The following TCN2 variants were observed in gnomAD, a reference collection of about 807,000 sequenced individuals.
TCN2 encodes transcobalamin-2.
In TCN2, 34 loss-of-function variants were observed where a neutral mutation model predicts 48.6. The observed-to-expected ratio is 0.70, with a 90% CI of 0.53 to 0.93. The LOEUF (loss-of-function observed/expected upper bound fraction) is 0.93. Ranked by LOEUF, TCN2 falls within the 40% of genes least tolerant of loss-of-function variation. The pLI, the probability that TCN2 is intolerant of heterozygous loss-of-function variation, is 0.00. For synonymous variants in TCN2, 283 were observed against 212.5 expected, an observed-to-expected ratio of 1.33 and a Z score of -2.89; for missense variants, 652 against 526.1, an observed-to-expected ratio of 1.24 and a Z score of -2.34.
chr22:30,612,746 G>A (rs2087559976), intron 2 of TCN2, 127 bp from the exon 3 acceptor site: 4 of 1,163,438 alleles, frequency 3.4e-6, no homozygotes, highest in African/African-American at 1.5e-5. Context: ...ACCTCCTTTT[G>A]GAGCTTTTAT....
At chr22:30,607,673 A>G (rs1380054719) in intron 1 of TCN2, among the ~76,000 whole-genome samples, 1 of 152,150 alleles carries the variant, frequency 6.6e-6, no homozygotes, top group Non-Finnish European at 1.5e-5. Context: ...GGGAACGTGC[A>G]AAGCATGAGA....
At chr22:30,609,747 A>G (rs535528853) in intron 1 of TCN2, among the ~76,000 whole-genome samples, 1 of 152,322 alleles carries the variant, frequency 6.6e-6, no homozygotes, top group East Asian at 1.9e-4. Flanking sequence ...GTCTCTCTTA[A>G]CATCTGGTGA....
chr22:30,616,034 TGG>T (rs2087609042), intron 6 of TCN2, among the ~76,000 whole-genome samples: 2 of 72,336 alleles, frequency 2.8e-5, no homozygotes, highest in Non-Finnish European at 4.7e-5. Context: ...TTTGGATGGA[TGG>T]ATGGATGGAT....
chr22:30,607,266 C>T lies in TCN2; in HGVS notation c.-66C>T, dbSNP rs542341732. 6.9e-6 allele frequency: 11 copies of T among 1,587,070 alleles called. No homozygotes were observed. Among genetic ancestry groups the T allele is most frequent in the South Asian group, 4.4e-5 (4 of 90,484 alleles). On this transcript the variant is annotated 5_prime_UTR_variant, in exon 1 of 9. Coordinates refer to ENST00000215838, the MANE Select transcript of TCN2 (RefSeq NM_000355.4). ...GGTGACCAGCTGTGGTCAGGAGAGCCTCAGCAGGGCCAGCCCCAGGAGTCT... is the reference window on the plus strand; with the variant it reads ...GGTGACCAGCTGTGGTCAGGAGAGCTTCAGCAGGGCCAGCCCCAGGAGTCT...
intron 1 of TCN2, 124 bp downstream of exon 1, chr22:30,607,519 C>T (rs762757805): frequency 4.2e-6 from 4 of 960,756 alleles, no homozygotes; most frequent in African/African-American, 1.6e-5. Flanking sequence ...CTTAGCTGGA[C>T]CTCAGCATTT....
In TCN2 at chr22:30,623,086, G is replaced by A. The variant is rs1158438419; in HGVS notation, c.1222+3G>A. On this transcript the variant is annotated splice_donor_region_variant and intron_variant, in intron 8 of 8. Coordinates refer to ENST00000215838, the MANE Select transcript of TCN2 (RefSeq NM_000355.4). ...CCCCAACACCCCACTGTTGCAAGGTGAGTCATGGCCTGACACTCTGGATGT... is the reference window on the plus strand; with the variant it reads ...CCCCAACACCCCACTGTTGCAAGGTAAGTCATGGCCTGACACTCTGGATGT... 2 of 1,613,776 alleles carry A rather than the reference G, an allele frequency of 1.2e-6. No homozygotes were observed. Among genetic ancestry groups the A allele is most frequent in the Middle Eastern group, 1.7e-4 (1 of 6,060 alleles).
intron 8 of TCN2, 70 bp from the exon 9 acceptor site, chr22:30,626,390 C>G: frequency 6.5e-7 from 1 of 1,534,310 alleles, no homozygotes; most frequent in Non-Finnish European, 9.0e-7. Flanking sequence ...GGTGGGGGGT[C>G]TGGAAGATGA....
chr22:30,615,508 G>C (rs767593277), intron 5 of TCN2, 35 bp downstream of exon 5: 2 of 1,608,582 alleles, frequency 1.2e-6, no homozygotes, highest in Non-Finnish European at 1.7e-6. Flanking sequence ...GGCCACCCTG[G>C]GGAACAGTCA....
At position 30,626,866 on chromosome 22, in the gene TCN2, C is replaced by T. The variant is rs2087818863; in HGVS notation, c.*345C>T. On this transcript the variant is annotated 3_prime_UTR_variant, in exon 9 of 9. Transcript: ENST00000215838. Reference sequence around the variant, plus strand: ...CCGCAGGCCGCAGGTGTTGTGAAGACCACTCGTTCTGTGGTTGGGGTCCTG... The same window carrying T: ...CCGCAGGCCGCAGGTGTTGTGAAGATCACTCGTTCTGTGGTTGGGGTCCTG... 1 of 409,144 alleles carries T rather than the reference C, an allele frequency of 2.4e-6. No individual in the cohort carries two copies. The highest frequency in any genetic ancestry group is 4.6e-6 in the Non-Finnish European group (1 of 216,360). The allele number at this position is 409,144 out of a possible 1,614,324, so 25.3% of individuals were successfully genotyped here. A position where few individuals can be genotyped will look rare whatever the true frequency, so the allele number is the denominator to read the frequency against.
rs771275345 is a variant in TCN2, at chr22:30,613,008, C to T, written c.393C>T (p.Leu131=). 1 of 1,614,142 alleles carries T rather than the reference C, an allele frequency of 6.2e-7. No individual in the cohort carries two copies. Residue 131 remains leucine, a synonymous_variant, in exon 3 of 9, where the codon CTC becomes CTT. Transcript: ENST00000215838. ...GHKGDRLVSQ[L]KWFLEDEKRA... ...AGGGGGACAGGCTGGTCTCACAGCTCAAATGGTTCCTGGAGGATGAGAAGA... is the reference window on the plus strand; with the variant it reads ...AGGGGGACAGGCTGGTCTCACAGCTTAAATGGTTCCTGGAGGATGAGAAGA...
intron 7 of TCN2, among the ~76,000 whole-genome samples, chr22:30,619,586 C>A (rs7288385): frequency 0.11 from 17,234 of 152,086 alleles, 2,179 homozygotes; most frequent in African/African-American, 0.3. Context: ...GGAGTCCAGC[C>A]CAGAGAAGTT....
rs116605132 is a variant in TCN2 at position 30,610,895 on chromosome 22, T to C, written c.89T>C (p.Leu30Pro). 6.2e-7 allele frequency: 1 copy of C among 1,614,246 alleles called. No individual in the cohort carries two copies. The highest frequency in any genetic ancestry group is 8.5e-7 in the Non-Finnish European group (1 of 1,180,048). The change falls in exon 2 of 9, where the codon CTG (leucine) becomes CCG (proline). Residue 30 changes from leucine (L) to proline (P), a missense_variant. Leu to Pro is a moderately conservative substitution (Grantham distance 98). Coordinates refer to ENST00000215838, the MANE Select transcript of TCN2 (RefSeq NM_000355.4). ...MCEIPEMDSH[L>P]VEKLGQHLLP... ...GAAATACCAGAGATGGACAGCCATC[T>C]GGTAGAGAAGTTGGGCCAGCACCTC...
intron 8 of TCN2, chr22:30,623,294 T>TAA: frequency 1.2e-4 from 54 of 432,100 alleles, no homozygotes; most frequent in South Asian, 4.0e-4. Flanking sequence ...CCAGACAGAT[T>TAA]ACAAAAAAAA....
intron 1 of TCN2, among the ~76,000 whole-genome samples, chr22:30,609,163 T>A (rs1046549457): frequency 2.0e-5 from 3 of 151,916 alleles, no homozygotes; most frequent in African/African-American, 7.3e-5. Flanking sequence ...CTTCTTCTTT[T>A]TTTTTTTTTT....
rs373562199 is a variant in TCN2, at chr22:30,617,279, C to A, written c.941-51C>A. On this transcript the variant is annotated intron_variant, in intron 6 of 8. Transcript: ENST00000215838. ...GAGGGAAGACAAGAAGACAAATAAT[C>A]CAGGCTCTCTGTCCTCACACCAGCT... is the stretch of plus-strand genomic sequence containing the variant. 1.8e-5 allele frequency: 29 copies of A among 1,612,702 alleles called. No homozygotes were observed. The African/African-American group carries it at 3.3e-4, about 19-fold the overall frequency.
chr22:30,608,539 C>A (rs992177661), intron 1 of TCN2, among the ~76,000 whole-genome samples: 2 of 152,200 alleles, frequency 1.3e-5, no homozygotes, highest in Non-Finnish European at 2.9e-5. Context: ...CATGTGCATA[C>A]TACCATGCTT....
rs181244096 is a variant in TCN2 at position 30,607,927 on chromosome 22, A to G, written c.64+532A>G. Among the ~76,000 whole-genome samples, 384 of 152,324 alleles carry G rather than the reference A, an allele frequency of 2.5e-3. 2 individuals carry two copies. The highest frequency in any genetic ancestry group is 8.9e-3 in the African/African-American group (369 of 41,584). On this transcript the variant is annotated intron_variant, in intron 1 of 8. Coordinates refer to ENST00000215838, the MANE Select transcript of TCN2 (RefSeq NM_000355.4). ...AAGACTTTCTGAAGACCAAGAGGACACATGGGAGCTGAAACTCGAAGGAAG... is the reference window on the plus strand; with the variant it reads ...AAGACTTTCTGAAGACCAAGAGGACGCATGGGAGCTGAAACTCGAAGGAAG...
At chr22:30,616,749 C>T (rs946271006) in intron 6 of TCN2, among the ~76,000 whole-genome samples, 3 of 152,206 alleles carry the variant, frequency 2.0e-5, no homozygotes, top group Non-Finnish European at 4.4e-5. Context: ...TGCAGTGAGC[C>T]GAGATCGCGC....
At chr22:30,614,164 C>T (rs1465527833) in intron 3 of TCN2, among the ~76,000 whole-genome samples, 185 bp from the exon 4 acceptor site, 1 of 152,198 alleles carries the variant, frequency 6.6e-6, no homozygotes, top group Non-Finnish European at 1.5e-5. Flanking sequence ...TCTCCTGCTT[C>T]CTCTAAGCAC....
Sources: gnomAD v4.1 joint callset for allele counts (sites outside exome capture counted in the v4.1 genomes callset) on GRCh38, gnomAD v4.1.1 for gene constraint, MANE v1.5 for transcripts, NCBI Gene and HGNC (gene_info 2026-07-23, HGNC 2026-07-21) for gene names.